The following SOD1 variants were observed in gnomAD, a reference collection of about 807,000 sequenced individuals.
SOD1 encodes superoxide dismutase [Cu-Zn].
SOD1 carries 8 observed loss-of-function variants against 15.9 expected under a neutral mutation model. The ratio of observed to expected loss-of-function variants is 0.50; its 90% CI spans 0.30 to 0.91. SOD1 has a LOEUF of 0.91. SOD1 is among the 40% of genes least tolerant of loss of function. The pLI is 0.07. For missense variants in SOD1, 137 were observed against 194.5 expected (o/e 0.70, Z 1.76); for synonymous variants, 86 against 71.2 (o/e 1.21, Z -1.04).
At chr21:31,666,353 C>A in intron 2 of SOD1, 96 bp from the exon 3 acceptor site, 1 of 920,576 alleles carries the variant, frequency 1.1e-6, no homozygotes, top group Non-Finnish European at 1.7e-6. Flanking sequence ...CAGGTCAGCA[C>A]TTTCTCCATG....
chr21:31,666,561 T>C, intron 3 of SOD1, 43 bp downstream of exon 3: 2 of 1,373,200 alleles, frequency 1.5e-6, no homozygotes, highest in Non-Finnish European at 2.1e-6. Context: ...GATAGCTTTC[T>C]GGAGTTCATA....
At chr21:31,660,994 C>T (rs866530375) in intron 1 of SOD1, among the ~76,000 whole-genome samples, 1 of 152,156 alleles carries the variant, frequency 6.6e-6, no homozygotes. Context: ...ATTTTCAGAA[C>T]TTTTATCAGT....
At chr21:31,667,149 A>G in intron 3 of SOD1, 109 bp from the exon 4 acceptor site, 1 of 772,512 alleles carries the variant, frequency 1.3e-6, no homozygotes, top group Non-Finnish European at 2.3e-6. Context: ...ATGCCTAGCT[A>G]CTTGTTTGCA....
intron 1 of SOD1, among the ~76,000 whole-genome samples, chr21:31,661,002 A>G (rs1308142872): frequency 6.6e-6 from 1 of 152,238 alleles, no homozygotes; most frequent in Non-Finnish European, 1.5e-5. Context: ...AACTTTTATC[A>G]GTAAAATTAC....
intron 1 of SOD1, chr21:31,660,591 A>G (rs1490678272): frequency 6.6e-6 from 1 of 151,974 alleles, no homozygotes; most frequent in Non-Finnish European, 1.5e-5. Flanking sequence ...CCTTTTGGGG[A>G]TTTTTGAGGG....
chr21:31,660,975 T>C (rs1012213179), intron 1 of SOD1, among the ~76,000 whole-genome samples: 1 of 152,224 alleles, frequency 6.6e-6, no homozygotes, highest in Non-Finnish European at 1.5e-5. Context: ...TTGTAAAATA[T>C]ACAGAAATAT....
Position 31,659,823 on chromosome 21 carries a change from C to T in SOD1, c.54C>T (p.Ile18=), listed in dbSNP as rs1447729350. Residue 18 remains isoleucine, a synonymous_variant, in exon 1 of 5, where the codon ATC becomes ATT. Transcript: ENST00000270142. ...VLKGDGPVQG[I]INFEQKESNG... The stretch of plus-strand genomic sequence containing the variant: ...AGGGCGACGGCCCAGTGCAGGGCAT[C>T]ATCAATTTCGAGCAGAAGGCAAGGG... 1.2e-6 allele frequency: 2 copies of T among 1,613,628 alleles called. No individual in the cohort carries two copies. Among genetic ancestry groups the T allele is most frequent in the Non-Finnish European group, 1.7e-6 (2 of 1,179,890 alleles).
chr21:31,663,894 T>C lies in SOD1; in HGVS notation c.169+8T>C. 1 of 1,602,016 alleles carries C rather than the reference T, an allele frequency of 6.2e-7. No individual in the cohort carries two copies. The highest frequency in any genetic ancestry group is 1.3e-5 in the African/African-American group (1 of 74,838). On this transcript the variant is annotated splice_region_variant and intron_variant, in intron 2 of 4. Coordinates refer to ENST00000270142, the MANE Select transcript of SOD1 (RefSeq NM_000454.5). ...TTGGAGATAATACAGCAGGTGGGTG[T>C]TGTGCTGTGCTGGTGACCCATACTT... is the stretch of plus-strand genomic sequence containing the variant.
rs202007987 is a variant in SOD1, at chr21:31,668,459, A to G, written c.358-12A>G. ...TGACAGCCCAAAGTTATCTTCTTAA[A>G]ATTTTTTACAGGTCCATGAAAAAGC... On this transcript the variant is annotated splice_polypyrimidine_tract_variant and intron_variant, in intron 4 of 4. Transcript: ENST00000270142. The G allele has an allele frequency of 6.2e-7, 1 of 1,609,378 alleles. No individual in the cohort carries two copies. Among genetic ancestry groups the G allele is most frequent in the East Asian group, 2.2e-5 (1 of 44,840 alleles).
chr21:31,664,660 C>T (rs1334477282), intron 2 of SOD1, among the ~76,000 whole-genome samples: 2 of 151,492 alleles, frequency 1.3e-5, no homozygotes, highest in Non-Finnish European at 2.9e-5. Context: ...ACTCTGTGGC[C>T]CAGGCTGGAG....
Position 31,668,141 on chromosome 21 carries a change from T to C in SOD1, c.358-330T>C, listed in dbSNP as rs556190188. ...AAAGCAATTAAAAAAACTGCCAAAG[T>C]AAGAGTGACTGCGGAACTAAGGTTA... On this transcript the variant is annotated intron_variant, in intron 4 of 4. Transcript: ENST00000270142. Among the ~76,000 whole-genome samples the C allele has an allele frequency of 1.2e-4, 18 of 152,296 alleles. 1 individual carries two copies. The highest frequency in any genetic ancestry group is 3.1e-4 in the African/African-American group (13 of 41,556).
At chr21:31,667,460 C>T in intron 4 of SOD1, 85 bp downstream of exon 4, 1 of 1,013,404 alleles carries the variant, frequency 9.9e-7, no homozygotes, top group Non-Finnish European at 1.6e-6. Flanking sequence ...GTCGCGGTTT[C>T]TAAAGATCCA....
intron 2 of SOD1, chr21:31,664,186 T>C: frequency 2.7e-6 from 1 of 371,806 alleles, no homozygotes; most frequent in Non-Finnish European, 5.2e-6. Flanking sequence ...TTGCCCAGGC[T>C]GGTCTTGAAC....
chr21:31,659,941 C>T (rs1383464791), intron 1 of SOD1, 100 bp downstream of exon 1: 4 of 1,231,640 alleles, frequency 3.2e-6, no homozygotes, highest in Admixed American at 1.9e-5. Context: ...GCCTCGGGGC[C>T]GCCCTGGTCC....
intron 1 of SOD1, chr21:31,660,101 A>T (rs996631172): frequency 5.6e-6 from 1 of 179,130 alleles, no homozygotes; most frequent in South Asian, 1.9e-4. Flanking sequence ...GAGCGCGGGG[A>T]GGGATTGCCG....
intron 4 of SOD1, 49 bp downstream of exon 4, chr21:31,667,424 C>G (rs1263857568): frequency 2.4e-6 from 3 of 1,234,892 alleles, no homozygotes; most frequent in African/African-American, 1.5e-5. Flanking sequence ...AACATACAGT[C>G]ATGTATCTTT....
At chr21:31,662,858 C>CA (rs1395418417) in intron 1 of SOD1, among the ~76,000 whole-genome samples, 1 of 151,744 alleles carries the variant, frequency 6.6e-6, no homozygotes, top group Non-Finnish European at 1.5e-5. Flanking sequence ...ACTAAAAATG[C>CA]AAAAAAATTA....
chr21:31,663,118 ACTTTTT>A (rs144444539), intron 1 of SOD1, among the ~76,000 whole-genome samples: 17,202 of 150,034 alleles, frequency 0.11, 1,600 homozygotes, highest in East Asian at 0.51. Context: ...TTCCAGGGCG[ACTTTTT>A]CTTTTTTTTT....
At chr21:31,664,723 A>G (rs919395804) in intron 2 of SOD1, among the ~76,000 whole-genome samples, 12 of 152,016 alleles carry the variant, frequency 7.9e-5, no homozygotes, top group Non-Finnish European at 1.8e-4. Context: ...GGTTCATGCC[A>G]TTCTCCTGCC....
Sources: gnomAD v4.1 joint callset for allele counts (sites outside exome capture counted in the v4.1 genomes callset) on GRCh38, gnomAD v4.1.1 for gene constraint, MANE v1.5 for transcripts, NCBI Gene and HGNC (gene_info 2026-07-23, HGNC 2026-07-21) for gene names.